The following HINT3 variants were observed in gnomAD, a reference collection of about 807,000 sequenced individuals.
HINT3 encodes the protein adenosine 5'-monophosphoramidase HINT3.
Under a neutral mutation model 19.1 loss-of-function variants are expected in HINT3, and 16 were observed. The ratio of observed to expected loss-of-function variants is 0.84; its 90% CI spans 0.57 to 1.27. HINT3 has a LOEUF of 1.27. Among genes scored for constraint, HINT3 ranks in the 50% most tolerant of loss-of-function variants. The pLI, the probability that HINT3 is intolerant of heterozygous loss-of-function variation, is 0.00. For missense variants in HINT3, 197 were observed against 225.8 expected (o/e 0.87, Z 0.82); for synonymous variants, 75 against 84.8 (o/e 0.88, Z 0.63).
At chr6:125,968,701 C>T (rs1789053040) in intron 2 of HINT3, among the ~76,000 whole-genome samples, 1 of 152,004 alleles carries the variant, frequency 6.6e-6, no homozygotes, top group Non-Finnish European at 1.5e-5. Flanking sequence ...TTAAAAATAG[C>T]CATTCTGATT....
chr6:125,974,986 G>C lies in HINT3; in HGVS notation c.516+13G>C. The C allele has an allele frequency of 6.2e-7, 1 of 1,612,050 alleles. No homozygotes were observed. Among genetic ancestry groups the C allele is most frequent in the Non-Finnish European group, 8.5e-7 (1 of 1,178,834 alleles). ...TTGGTTTATCACAGTGAGTATTCTT[G>C]TTATGTCAGCAGCATACAAAAATAT... On this transcript the variant is annotated intron_variant, in intron 4 of 4. Transcript: ENST00000229633.
chr6:125,958,323 TTAAG>T, intron 1 of HINT3, among the ~76,000 whole-genome samples: 1 of 152,248 alleles, frequency 6.6e-6, no homozygotes, highest in Admixed American at 6.5e-5. Flanking sequence ...GACCAGATTA[TTAAG>T]TGTGTTGGAA....
At position 125,960,473 on chromosome 6, in the gene HINT3, A is replaced by G. The variant is rs542397427; in HGVS notation, c.201+3295A>G. ...GGAGTTCGAGACCAGCCTGGCCAATATGGTGAAACCCCATCTCTCCTAAAA... is the reference window on the plus strand; with the variant it reads ...GGAGTTCGAGACCAGCCTGGCCAATGTGGTGAAACCCCATCTCTCCTAAAA... On this transcript the variant is annotated intron_variant, in intron 1 of 4. Transcript: ENST00000229633. Among the ~76,000 whole-genome samples, 14 of 152,280 alleles carry G rather than the reference A, an allele frequency of 9.2e-5. No individual in the cohort carries two copies. The South Asian group carries it at 1.5e-3, about 16-fold the overall frequency.
rs536265930 is a variant in HINT3 at position 125,975,206 on chromosome 6, C to T, written c.516+233C>T. Among the ~76,000 whole-genome samples, 9 of 152,214 alleles carry T rather than the reference C, an allele frequency of 5.9e-5. No homozygotes were observed. The South Asian group carries it at 6.2e-4, about 11-fold the overall frequency. ...TCTTCCCCATTGCAAGTAGCAGATA[C>T]GATATAGAAGAACCATGGTATTCAG... On this transcript the variant is annotated intron_variant, in intron 4 of 4. Coordinates refer to ENST00000229633, the MANE Select transcript of HINT3 (RefSeq NM_138571.5).
rs138039908 is a variant in HINT3, at chr6:125,965,599, A to AAT, written c.202-1276_202-1275dup. Among the ~76,000 whole-genome samples, 35 of 151,492 alleles carry AAT rather than the reference A, an allele frequency of 2.3e-4. No homozygotes were observed. The East Asian group carries it at 2.3e-3, about 10-fold the overall frequency. ...AACATAGGGAGACTCCATCTCTACA[A>AAT]ATATATATATATAGCCTGGCATGGT... On this transcript the variant is annotated intron_variant, in intron 1 of 4. Coordinates refer to ENST00000229633, the MANE Select transcript of HINT3 (RefSeq NM_138571.5).
chr6:125,962,149 CATATATATATACACAT>C (rs1788934667), intron 1 of HINT3, among the ~76,000 whole-genome samples: 2 of 38,646 alleles, frequency 5.2e-5, no homozygotes, highest in Non-Finnish European at 1.1e-4. Context: ...GATGGAAACC[CATATATATATACACAT>C]ATATATATAT....
chr6:125,971,135 G>A (rs187321601), intron 2 of HINT3, among the ~76,000 whole-genome samples: 1 of 152,188 alleles, frequency 6.6e-6, no homozygotes, highest in Admixed American at 6.5e-5. Flanking sequence ...AATTTTTTTG[G>A]TGGACAGGTT....
chr6:125,971,866 C>T lies in HINT3; in HGVS notation c.320-393C>T, dbSNP rs938193065. Among the ~76,000 whole-genome samples, 13 of 151,834 alleles carry T rather than the reference C, an allele frequency of 8.6e-5. No homozygotes were observed. The East Asian group carries it at 1.2e-3, about 14-fold the overall frequency. Reference sequence around the variant, plus strand: ...CTGGGACTACAGGTGTGCACCACCACGCCCGGCTAATTTTTTTTGTATTTT... The same window carrying T: ...CTGGGACTACAGGTGTGCACCACCATGCCCGGCTAATTTTTTTTGTATTTT... On this transcript the variant is annotated intron_variant, in intron 2 of 4. Transcript: ENST00000229633.
rs756648725 is a variant in HINT3, at chr6:125,974,882, C to T, written c.425C>T (p.Ser142Phe). Residue 142 changes from serine to phenylalanine, a missense_variant, in exon 4 of 5, where the codon TCC (serine) becomes TTC (phenylalanine). Physicochemically the swap from Ser to Phe is radical, Grantham distance 155. Transcript: ENST00000229633. ...GFHMPPFCSISHLHLHVLAPV... is the reference protein window; with the variant it reads ...GFHMPPFCSIFHLHLHVLAPV... Reference sequence around the variant, plus strand: ...CATATGCCACCATTCTGTTCCATTTCCCACTTGCACCTTCATGTTCTGGCA... The same window carrying T: ...CATATGCCACCATTCTGTTCCATTTTCCACTTGCACCTTCATGTTCTGGCA... The T allele has an allele frequency of 1.2e-6, 2 of 1,613,862 alleles. No individual in the cohort carries two copies. The highest frequency in any genetic ancestry group is 1.1e-5 in the South Asian group (1 of 91,080).
In HINT3 at chr6:125,978,008, G is replaced by A. The variant is rs1789202086; in HGVS notation, c.*332G>A. 5.5e-6 allele frequency: 1 copy of A among 182,210 alleles called. No homozygotes were observed. The highest frequency in any genetic ancestry group is 6.2e-5 in the Admixed American group (1 of 16,206). The allele number at this position is 182,210 out of a possible 1,614,324, so 11.3% of individuals were successfully genotyped here. A position where few individuals can be genotyped will look rare whatever the true frequency, so the allele number is the denominator to read the frequency against. On this transcript the variant is annotated 3_prime_UTR_variant, in exon 5 of 5. Coordinates refer to ENST00000229633, the MANE Select transcript of HINT3 (RefSeq NM_138571.5). Reference sequence around the variant, plus strand: ...ATTTTCATTTCTCAGTAAGTAGTCAGTTATAATAGTGATTTATTTATGAAG... The same window carrying A: ...ATTTTCATTTCTCAGTAAGTAGTCAATTATAATAGTGATTTATTTATGAAG...
chr6:125,960,671 A>AGGTGG (rs1562211533), intron 1 of HINT3, among the ~76,000 whole-genome samples: 3 of 92,472 alleles, frequency 3.2e-5, no homozygotes, highest in Non-Finnish European at 6.7e-5. Flanking sequence ...GGGGGAAAAA[A>AGGTGG]AAAGAAGTTA....
At chr6:125,975,284 T>G (rs1344714726) in intron 4 of HINT3, among the ~76,000 whole-genome samples, 2 of 152,170 alleles carry the variant, frequency 1.3e-5, no homozygotes, top group Non-Finnish European at 2.9e-5. Flanking sequence ...CAGTGCTTGC[T>G]TGAGGGTCCA....
chr6:125,962,251 C>T (rs190267285), intron 1 of HINT3, among the ~76,000 whole-genome samples: 129 of 9,856 alleles, frequency 0.013, 13 homozygotes, highest in East Asian at 0.056. Flanking sequence ...TATATATATA[C>T]ACACATATAT....
chr6:125,973,831 T>C (rs551363220), intron 3 of HINT3, among the ~76,000 whole-genome samples: 2 of 152,334 alleles, frequency 1.3e-5, no homozygotes, highest in South Asian at 4.1e-4. Context: ...CTGTCTAACT[T>C]TGGGACCTTG....
At chr6:125,957,912 A>C (rs530809231) in intron 1 of HINT3, among the ~76,000 whole-genome samples, 18 of 152,356 alleles carry the variant, frequency 1.2e-4, no homozygotes, top group African/African-American at 4.3e-4. Flanking sequence ...ATTTTTTAAA[A>C]AATAAATATA....
chr6:125,970,192 C>T (rs539360266), intron 2 of HINT3, among the ~76,000 whole-genome samples: 3 of 152,072 alleles, frequency 2.0e-5, no homozygotes, highest in East Asian at 1.9e-4. Context: ...TTTAAACTGT[C>T]GATTCTGAAT....
intron 3 of HINT3, among the ~76,000 whole-genome samples, chr6:125,973,602 C>G (rs1051050941): frequency 1.3e-5 from 2 of 152,154 alleles, no homozygotes; most frequent in Admixed American, 1.3e-4. Context: ...AAGATAATAC[C>G]TGCTCTGCCT....
At chr6:125,963,305 G>A (rs537397017) in intron 1 of HINT3, among the ~76,000 whole-genome samples, 1 of 152,264 alleles carries the variant, frequency 6.6e-6, no homozygotes, top group Non-Finnish European at 1.5e-5. Flanking sequence ...AAGAAAACCT[G>A]TCTTTGTAGT....
intron 1 of HINT3, among the ~76,000 whole-genome samples, chr6:125,961,212 C>T (rs548009821): frequency 5.9e-5 from 9 of 152,238 alleles, no homozygotes; most frequent in African/African-American, 2.2e-4. Context: ...TATACAATAG[C>T]CCATTGTCAG....
Sources: gnomAD v4.1 joint callset for allele counts (sites outside exome capture counted in the v4.1 genomes callset) on GRCh38, gnomAD v4.1.1 for gene constraint, MANE v1.5 for transcripts, NCBI Gene and HGNC (gene_info 2026-07-23, HGNC 2026-07-21) for gene names.